Variants in NRF1 observed in about 807,000 individuals in gnomAD.
NRF1 encodes the protein nuclear respiratory factor 1, also known as alpha palindromic-binding protein.
NRF1 carries 5 observed loss-of-function variants against 58.5 expected under a neutral mutation model. The observed-to-expected ratio is 0.09, with a 90% CI of 0.04 to 0.18. NRF1 has a LOEUF of 0.18. Among genes scored for constraint, NRF1 ranks in the 10% least tolerant of loss-of-function variants. The pLI, the probability that NRF1 is intolerant of heterozygous loss-of-function variation, is 1.00. For synonymous variants in NRF1, 224 were observed against 246.7 expected (o/e 0.91, Z 0.86); for missense variants, 288 against 657.7 (o/e 0.44, Z 6.15).
intron 1 of NRF1, among the ~76,000 whole-genome samples, chr7:129,645,685 T>G (rs771599095): frequency 6.6e-6 from 1 of 152,182 alleles, no homozygotes; most frequent in Non-Finnish European, 1.5e-5. Context: ...AGAGACAGTA[T>G]AGTACTATGA....
intron 5 of NRF1, among the ~76,000 whole-genome samples, chr7:129,692,119 T>C (rs1374174575): frequency 6.6e-6 from 1 of 152,126 alleles, no homozygotes; most frequent in Non-Finnish European, 1.5e-5. Context: ...TGGCAGGTCA[T>C]GTCAGTTCAC....
At chr7:129,694,465 G>C (rs1252410185) in intron 5 of NRF1, among the ~76,000 whole-genome samples, 1 of 152,020 alleles carries the variant, frequency 6.6e-6, no homozygotes, top group Non-Finnish European at 1.5e-5. Context: ...TCCAGATTGA[G>C]GCAATTCTCC....
chr7:129,624,103 G>A (rs1800864234), intron 1 of NRF1, among the ~76,000 whole-genome samples: 1 of 152,042 alleles, frequency 6.6e-6, no homozygotes, highest in Non-Finnish European at 1.5e-5. Flanking sequence ...GGATATGGAG[G>A]CCCAGCTGAA....
At position 129,669,320 on chromosome 7, in the gene NRF1, T is replaced by C. The variant is rs573448654; in HGVS notation, c.224-2109T>C. ...ATACTTGGATTTGTATACTTCACTATATGCAAATTTTACCTCAAAAGAAAA... is the reference window on the plus strand; with the variant it reads ...ATACTTGGATTTGTATACTTCACTACATGCAAATTTTACCTCAAAAGAAAA... On this transcript the variant is annotated intron_variant, in intron 2 of 10. Coordinates refer to ENST00000393232, the MANE Select transcript of NRF1 (RefSeq NM_005011.5). Among the ~76,000 whole-genome samples, 13 of 152,312 alleles carry C rather than the reference T, an allele frequency of 8.5e-5. No individual in the cohort carries two copies. In the South Asian group the frequency reaches 2.1e-3, roughly 24 times the overall value.
chr7:129,705,275 GT>G lies in NRF1; in HGVS notation c.607-3792del, dbSNP rs560251999. On this transcript the variant is annotated intron_variant, in intron 5 of 10. Coordinates refer to ENST00000393232, the MANE Select transcript of NRF1 (RefSeq NM_005011.5). ...TCAGAGCCAACTCTGAGTCTTGTGG[GT>G]TTTTTTTGTTTCTTGGTTTGTTTTT... is the stretch of plus-strand genomic sequence containing the variant. Among the ~76,000 whole-genome samples the G allele has an allele frequency of 2.1e-3, 313 of 151,798 alleles. 3 individuals are homozygous for G. Among genetic ancestry groups the G allele is most frequent in the African/African-American group, 6.8e-3 (280 of 41,428 alleles).
At chr7:129,731,743 C>T (rs1304289713) in intron 10 of NRF1, among the ~76,000 whole-genome samples, 2 of 152,050 alleles carry the variant, frequency 1.3e-5, no homozygotes, top group African/African-American at 4.8e-5. Context: ...GACGCTGGGA[C>T]CACAGGTGCG....
Position 129,711,145 on chromosome 7 carries a change from C to T in NRF1, c.964-330C>T, listed in dbSNP as rs140851724. Among the ~76,000 whole-genome samples, 6 of 152,214 alleles carry T rather than the reference C, an allele frequency of 3.9e-5. No individual in the cohort carries two copies. The East Asian group carries it at 1.2e-3, about 29-fold the overall frequency. ...ATCAGGGAATATTCCTTCTGAATGACCTCTTCTGAGGTAAAACACAATTTG... is the reference window on the plus strand; with the variant it reads ...ATCAGGGAATATTCCTTCTGAATGATCTCTTCTGAGGTAAAACACAATTTG... On this transcript the variant is annotated intron_variant, in intron 7 of 10. Coordinates refer to ENST00000393232, the MANE Select transcript of NRF1 (RefSeq NM_005011.5).
At position 129,755,141 on chromosome 7, in the gene NRF1, T is replaced by C; in HGVS notation, c.1472T>C (p.Met491Thr). Residue 491 changes from methionine (M) to threonine (T), a missense_variant, in exon 11 of 11, where the codon ATG (methionine) becomes ACG (threonine). Physicochemically the swap from Met to Thr is moderately conservative, Grantham distance 81 (BLOSUM62 -1). This residue lies in a region of NRF1 where 28 missense variants were observed against 32.6 expected (regional missense o/e 0.86). Coordinates refer to ENST00000393232, the MANE Select transcript of NRF1 (RefSeq NM_005011.5). The surrounding 1 kb of genome is among the most constrained non-coding windows in gnomAD (Gnocchi z 5.8). ...TTRISDSAVTMDGQAVEVVTL... is the reference protein window; with the variant it reads ...TTRISDSAVTTDGQAVEVVTL... The stretch of plus-strand genomic sequence containing the variant: ...AGGATATCAGACAGCGCAGTCACCA[T>C]GGACGGCCAAGCTGTGGAGGTGGTG... 1 of 1,613,682 alleles carries C rather than the reference T, an allele frequency of 6.2e-7. No individual in the cohort carries two copies. Among genetic ancestry groups the C allele is most frequent in the Non-Finnish European group, 8.5e-7 (1 of 1,179,872 alleles).
chr7:129,619,370 G>T (rs1416048633), intron 1 of NRF1, among the ~76,000 whole-genome samples: 1 of 98,716 alleles, frequency 1.0e-5, no homozygotes. Flanking sequence ...AAAATCATTG[G>T]GATAAAAACT....
At chr7:129,729,081 T>C (rs1411235332) in intron 10 of NRF1, among the ~76,000 whole-genome samples, 2 of 152,240 alleles carry the variant, frequency 1.3e-5, no homozygotes, top group African/African-American at 4.8e-5. Context: ...ATTGCTCTTA[T>C]TCACTATGGA....
At chr7:129,692,123 A>G (rs943612624) in intron 5 of NRF1, among the ~76,000 whole-genome samples, 1 of 151,994 alleles carries the variant, frequency 6.6e-6, no homozygotes, top group African/African-American at 2.4e-5. Flanking sequence ...AGGTCATGTC[A>G]GTTCACCTCT....
intron 1 of NRF1, among the ~76,000 whole-genome samples, chr7:129,653,448 C>T (rs1009293135): frequency 2.6e-5 from 4 of 152,150 alleles, no homozygotes; most frequent in African/African-American, 9.7e-5. Flanking sequence ...CACATTGACA[C>T]GTCATTATTA....
intron 1 of NRF1, among the ~76,000 whole-genome samples, chr7:129,631,781 A>G (rs967842258): frequency 6.9e-6 from 1 of 144,290 alleles, no homozygotes; most frequent in Admixed American, 6.9e-5. Flanking sequence ...TTAGAGTTAT[A>G]AGTGTGTAAA....
At chr7:129,701,257 T>G (rs1195087389) in intron 5 of NRF1, among the ~76,000 whole-genome samples, 1 of 151,832 alleles carries the variant, frequency 6.6e-6, no homozygotes, top group Admixed American at 6.6e-5. Context: ...TAATGGAAAT[T>G]AAAATAAGAA....
At chr7:129,719,497 A>AACACACACACACACACACACACAC (rs67443980) in intron 9 of NRF1, among the ~76,000 whole-genome samples, 15 of 142,004 alleles carry the variant, frequency 1.1e-4, no homozygotes, top group South Asian at 2.3e-4. Flanking sequence ...AGGAAACTGA[A>AACACACACACACACACACACACAC]ACACACACAC....
chr7:129,749,075 G>A (rs762536939), intron 10 of NRF1, among the ~76,000 whole-genome samples: 18 of 152,182 alleles, frequency 1.2e-4, no homozygotes, highest in Non-Finnish European at 8.8e-5. Flanking sequence ...GTTTTGCAGC[G>A]TGCAAGGCCA....
At position 129,711,381 on chromosome 7, in the gene NRF1, G is replaced by T. The variant is rs371979537; in HGVS notation, c.964-94G>T. 65 of 833,350 alleles carry T rather than the reference G, an allele frequency of 7.8e-5. 2 individuals are homozygous for T. Among genetic ancestry groups the T allele is most frequent in the East Asian group, 6.8e-4 (25 of 36,600 alleles). The allele number at this position is 833,350 out of a possible 1,614,324, so 51.6% of individuals were successfully genotyped here. On this transcript the variant is annotated intron_variant, in intron 7 of 10. Transcript: ENST00000393232. ...ATAAGGCATATTCTTTGTTATCTGT[G>T]CTGAATTTGGGATTAAATGAGTCTC...
chr7:129,620,190 C>G (rs983359955), intron 1 of NRF1, among the ~76,000 whole-genome samples: 1 of 151,974 alleles, frequency 6.6e-6, no homozygotes, highest in African/African-American at 2.4e-5. Context: ...TGGAAAGATA[C>G]GAGGAACTTC....
chr7:129,673,860 CTGGG>C (rs1802113738), intron 3 of NRF1, among the ~76,000 whole-genome samples: 2 of 150,474 alleles, frequency 1.3e-5, no homozygotes, highest in Non-Finnish European at 1.5e-5. Flanking sequence ...CTGTTTTTGG[CTGGG>C]CATGGTGGCT....
Sources: allele counts gnomAD v4.1 joint callset (sites outside exome capture counted in the v4.1 genomes callset), GRCh38; gene constraint gnomAD v4.1.1; regional missense constraint gnomAD v4.1.1; non-coding constraint Gnocchi (gnomAD v3.1); transcripts MANE v1.5; gene names NCBI Gene and HGNC (gene_info 2026-07-23, HGNC 2026-07-21).